The following LINGO2 variants were observed in gnomAD, a reference collection of about 807,000 sequenced individuals.
The protein encoded by LINGO2 is leucine rich repeat and Ig domain containing 2.
LINGO2 carries 14 observed loss-of-function variants against 30.6 expected under a neutral mutation model. The ratio of observed to expected loss-of-function variants is 0.46; its 90% CI spans 0.30 to 0.72. LINGO2 has a LOEUF of 0.72. LINGO2 is among the 30% of genes least tolerant of loss of function. The pLI, the probability that LINGO2 is intolerant of heterozygous loss-of-function variation, is 0.07. For synonymous variants in LINGO2, 317 were observed against 288.5 expected (o/e 1.10, Z -1.00); for missense variants, 729 against 751.7 (o/e 0.97, Z 0.35).
chr9:28,134,716 T>C (rs1827468481), intron 4 of LINGO2, among the ~76,000 whole-genome samples: 1 of 152,228 alleles, frequency 6.6e-6, no homozygotes, highest in Admixed American at 6.5e-5. Context: ...GCCAAGGTGA[T>C]GAATCTAATA....
chr9:28,851,022 CA>C, the LINGO2 span, among the ~76,000 whole-genome samples: 2 of 151,878 alleles, frequency 1.3e-5, no homozygotes, highest in Non-Finnish European at 2.9e-5. Flanking sequence ...TAAGAGTGTG[CA>C]AAAAGATAGC....
chr9:29,139,513 G>GAT, the LINGO2 span, among the ~76,000 whole-genome samples: 1 of 152,054 alleles, frequency 6.6e-6, no homozygotes, highest in Non-Finnish European at 1.5e-5. Flanking sequence ...TTGAAATCTG[G>GAT]ATAGGAAGAT....
chr9:28,007,807 G>C (rs1041036294), intron 5 of LINGO2, among the ~76,000 whole-genome samples: 13 of 152,154 alleles, frequency 8.5e-5, no homozygotes, highest in African/African-American at 3.1e-4. Context: ...GAACATGTAA[G>C]TGACCTGGTG....
the LINGO2 span, among the ~76,000 whole-genome samples, chr9:28,687,415 A>T: frequency 2.6e-5 from 4 of 152,162 alleles, no homozygotes; most frequent in Admixed American, 2.6e-4. Flanking sequence ...AGTCATGCCA[A>T]GTGAAATTCC....
chr9:28,077,885 G>T (rs1031278068), intron 4 of LINGO2, among the ~76,000 whole-genome samples: 4 of 148,894 alleles, frequency 2.7e-5, no homozygotes, highest in Non-Finnish European at 5.9e-5. Flanking sequence ...ACTTGTCTTT[G>T]TGAAAATGAA....
At chr9:28,840,013 C>A in the LINGO2 span, among the ~76,000 whole-genome samples, 1 of 149,424 alleles carries the variant, frequency 6.7e-6, no homozygotes, top group African/African-American at 2.6e-5. Context: ...TGCAGGCACA[C>A]CCAACTGGGT....
At chr9:28,234,182 C>A (rs1485678767) in intron 4 of LINGO2, among the ~76,000 whole-genome samples, 1 of 152,102 alleles carries the variant, frequency 6.6e-6, no homozygotes, top group Non-Finnish European at 1.5e-5. Flanking sequence ...TCTGGACCTG[C>A]CCTGGGCCAA....
At chr9:29,179,058 T>C in the LINGO2 span, among the ~76,000 whole-genome samples, 543 of 150,824 alleles carry the variant, frequency 3.6e-3, 2 homozygotes, top group African/African-American at 0.013. Flanking sequence ...GCTATTGACA[T>C]AGGCAAAAAT....
intron 4 of LINGO2, among the ~76,000 whole-genome samples, chr9:28,258,800 C>A (rs1017031913): frequency 6.6e-6 from 1 of 150,988 alleles, no homozygotes; most frequent in African/African-American, 2.4e-5. Context: ...ATATACCATA[C>A]CAAAGTTTAT....
chr9:28,492,666 G>T (rs570308769), intron 1 of LINGO2, among the ~76,000 whole-genome samples: 2 of 152,056 alleles, frequency 1.3e-5, no homozygotes, highest in African/African-American at 4.8e-5. Context: ...GCATTGAAAG[G>T]TTTCAGCTAA....
At chr9:28,025,900 T>A (rs899570074) in intron 4 of LINGO2, among the ~76,000 whole-genome samples, 2 of 152,082 alleles carry the variant, frequency 1.3e-5, no homozygotes, top group Non-Finnish European at 2.9e-5. Flanking sequence ...AGTAGTAATT[T>A]AAAAATGCAA....
chr9:29,200,690 G>A, the LINGO2 span, among the ~76,000 whole-genome samples: 3 of 152,102 alleles, frequency 2.0e-5, no homozygotes, highest in South Asian at 2.1e-4. Flanking sequence ...TTACATTGCC[G>A]TTAACTACAG....
the LINGO2 span, among the ~76,000 whole-genome samples, chr9:28,801,176 T>C: frequency 6.6e-6 from 1 of 152,028 alleles, no homozygotes; most frequent in Non-Finnish European, 1.5e-5. Flanking sequence ...GTTCCTGTCA[T>C]AGTAATTAGA....
chr9:28,433,949 C>CTCTCTCTCTATA (rs1225323260), intron 2 of LINGO2, among the ~76,000 whole-genome samples: 3 of 88,478 alleles, frequency 3.4e-5, no homozygotes, highest in African/African-American at 9.0e-5. Context: ...CTCTCTCTCT[C>CTCTCTCTCTATA]TATATATATA....
At chr9:28,160,688 A>G (rs1312124772) in intron 4 of LINGO2, among the ~76,000 whole-genome samples, 1 of 152,200 alleles carries the variant, frequency 6.6e-6, no homozygotes, top group Non-Finnish European at 1.5e-5. Flanking sequence ...CTTCTAAAGA[A>G]CAGTAATTTT....
the LINGO2 span, among the ~76,000 whole-genome samples, chr9:29,100,362 C>T: frequency 2.0e-5 from 3 of 151,768 alleles, no homozygotes; most frequent in East Asian, 2.0e-4. Flanking sequence ...TTTCAGAGGC[C>T]GAGGCAGGCA....
chr9:28,711,414 A>G, the LINGO2 span, among the ~76,000 whole-genome samples: 24 of 152,282 alleles, frequency 1.6e-4, no homozygotes, highest in Middle Eastern at 3.4e-3. Context: ...TTTTAAATAA[A>G]GTGTTTAGCC....
At chr9:27,942,188 G>A in the LINGO2 span, 1 of 152,122 alleles carries the variant, frequency 6.6e-6, no homozygotes, top group Admixed American at 6.5e-5. Flanking sequence ...CCTGTCTTTT[G>A]ATTCCTCTGT....
At chr9:29,073,655 G>T in the LINGO2 span, among the ~76,000 whole-genome samples, 1 of 152,148 alleles carries the variant, frequency 6.6e-6, no homozygotes, top group Non-Finnish European at 1.5e-5. Context: ...AGTTGGAACA[G>T]AAACTATATG....
Sources: allele counts gnomAD v4.1 joint callset (sites outside exome capture counted in the v4.1 genomes callset), GRCh38; gene constraint gnomAD v4.1.1; transcripts MANE v1.5; gene names NCBI Gene and HGNC (gene_info 2026-07-23, HGNC 2026-07-21).